DZIP1L: variants seen among roughly 807,000 people sequenced by gnomAD.
The protein encoded by DZIP1L is cilium assembly protein DZIP1L.
Under a neutral mutation model 88.7 loss-of-function variants are expected in DZIP1L, and 90 were observed. That is an observed-to-expected ratio of 1.02 (90% CI 0.86 to 1.21). The LOEUF (loss-of-function observed/expected upper bound fraction) is 1.21, where lower values mean the gene tolerates loss of function less well. DZIP1L is among the 50% of genes most tolerant of loss of function. The pLI, the probability that DZIP1L is intolerant of heterozygous loss-of-function variation, is 0.00. For missense variants in DZIP1L, 932 were observed against 955.8 expected (o/e 0.98, Z 0.33); for synonymous variants, 363 against 372.1 (o/e 0.98, Z 0.28).
chr3:138,068,037 C>T, intron 13 of DZIP1L, 114 bp downstream of exon 13: 1 of 971,636 alleles, frequency 1.0e-6, no homozygotes, highest in Non-Finnish European at 1.4e-6. Context: ...CTTCTATTCA[C>T]ATGTGTCTGC....
intron 7 of DZIP1L, among the ~76,000 whole-genome samples, chr3:138,086,128 G>A (rs1328127134): frequency 2.0e-5 from 3 of 151,414 alleles, no homozygotes; most frequent in Non-Finnish European, 4.4e-5. Flanking sequence ...GAGTGGGGAG[G>A]GATAGCATTA....
chr3:138,087,043 T>C lies in DZIP1L; in HGVS notation c.1000-20A>G. 1.9e-6 allele frequency: 3 copies of C among 1,613,024 alleles called. No individual in the cohort carries two copies. The highest frequency in any genetic ancestry group is 1.7e-5 in the Admixed American group (1 of 59,936). On this transcript the variant is annotated intron_variant, in intron 6 of 15. Coordinates refer to ENST00000327532, the MANE Select transcript of DZIP1L (RefSeq NM_173543.3). ...CGTTTTCTGAAAAAGATTAAAAGCTTATCAAATGGGCCCTTGCAGGTATTA... is the reference window on the plus strand; with the variant it reads ...CGTTTTCTGAAAAAGATTAAAAGCTCATCAAATGGGCCCTTGCAGGTATTA...
In DZIP1L at chr3:138,084,170, G is replaced by A. The variant is rs1389415071; in HGVS notation, c.1146C>T (p.Ser382=). 6.2e-7 allele frequency: 1 copy of A among 1,614,226 alleles called. No homozygotes were observed. The highest frequency in any genetic ancestry group is 8.5e-7 in the Non-Finnish European group (1 of 1,180,038). Residue 382 remains serine (S), a synonymous_variant, in exon 8 of 16, where the codon AGC becomes AGT. Coordinates refer to ENST00000327532, the MANE Select transcript of DZIP1L (RefSeq NM_173543.3). Reference sequence around the variant, plus strand: ...GTTCCTGCAGCTGGGCACGGAGGGTGCTGATCTGGCACTGGGACTGGGCAG... The same window carrying A: ...GTTCCTGCAGCTGGGCACGGAGGGTACTGATCTGGCACTGGGACTGGGCAG... ...KAAAQSQCQI[S]TLRAQLQEQA... is the part of the protein sequence containing the mutation.
chr3:138,096,199 T>G (rs1425024069), intron 3 of DZIP1L, among the ~76,000 whole-genome samples: 1 of 152,202 alleles, frequency 6.6e-6, no homozygotes, highest in East Asian at 1.9e-4. Context: ...GTCAGCTGCC[T>G]GTGAATAAAG....
At chr3:138,083,496 C>A (rs1235313120) in intron 8 of DZIP1L, among the ~76,000 whole-genome samples, 3 of 152,160 alleles carry the variant, frequency 2.0e-5, no homozygotes, top group Admixed American at 6.5e-5. Flanking sequence ...AGAGAATTGT[C>A]AGCAACAGGT....
Position 138,064,355 on chromosome 3 carries a change from C to A in DZIP1L, c.2142+273G>T, listed in dbSNP as rs1423915523. The A allele has an allele frequency of 7.8e-6, 10 of 1,283,232 alleles. No homozygotes were observed. In the East Asian group the frequency reaches 4.0e-4, roughly 52 times the overall value. The allele number at this position is 1,283,232 out of a possible 1,614,324, so 79.5% of individuals were successfully genotyped here. ...GCCAGACACAGAGTCAGCTCCGAAG[C>A]TCTCCGAGAGGCAGGAGATGGGACA... On this transcript the variant is annotated intron_variant, in intron 15 of 15. Coordinates refer to ENST00000327532, the MANE Select transcript of DZIP1L (RefSeq NM_173543.3).
At chr3:138,103,314 C>G (rs959735145) in intron 2 of DZIP1L, among the ~76,000 whole-genome samples, 157 bp downstream of exon 2, 4 of 152,130 alleles carry the variant, frequency 2.6e-5, no homozygotes, top group African/African-American at 9.7e-5. Flanking sequence ...CCCAGGCTCT[C>G]TGGCCATGAG....
At chr3:138,097,641 C>T (rs1944541293) in intron 3 of DZIP1L, 122 bp downstream of exon 3, 3 of 881,080 alleles carry the variant, frequency 3.4e-6, no homozygotes, top group Admixed American at 2.4e-5. Flanking sequence ...CATCCCATCC[C>T]CAATTGGACA....
chr3:138,088,261 G>A, intron 6 of DZIP1L, 118 bp downstream of exon 6: 1 of 1,377,048 alleles, frequency 7.3e-7, no homozygotes, highest in Non-Finnish European at 9.5e-7. Context: ...CAGAAGGTCT[G>A]AAAATATAGA....
chr3:138,095,379 T>C (rs1944421077), intron 3 of DZIP1L, among the ~76,000 whole-genome samples: 1 of 152,180 alleles, frequency 6.6e-6, no homozygotes, highest in African/African-American at 2.4e-5. Context: ...ACACCAATTA[T>C]CAATACAAAG....
At chr3:138,082,389 C>T (rs903812812) in intron 8 of DZIP1L, among the ~76,000 whole-genome samples, 1 of 152,188 alleles carries the variant, frequency 6.6e-6, no homozygotes, top group African/African-American at 2.4e-5. Flanking sequence ...CTGCTGGCAG[C>T]CAATTGTTTG....
intron 10 of DZIP1L, chr3:138,080,363 C>G: frequency 6.0e-6 from 3 of 500,924 alleles, no homozygotes; most frequent in Non-Finnish European, 1.1e-5. Flanking sequence ...TTCCCCATCA[C>G]TAAACCAGCA....
At position 138,080,563 on chromosome 3, in the gene DZIP1L, C is replaced by T. The variant is rs1943601337; in HGVS notation, c.1288+4G>A. Reference sequence around the variant, plus strand: ...GACACCCAGGAAAGAAAGTAAGGTCCCACCTTCCTCTGGAGAGTCCTCCTC... The same window carrying T: ...GACACCCAGGAAAGAAAGTAAGGTCTCACCTTCCTCTGGAGAGTCCTCCTC... On this transcript the variant is annotated splice_donor_region_variant and intron_variant, in intron 10 of 15. Coordinates refer to ENST00000327532, the MANE Select transcript of DZIP1L (RefSeq NM_173543.3). 2 of 1,613,670 alleles carry T rather than the reference C, an allele frequency of 1.2e-6. No individual in the cohort carries two copies. The highest frequency in any genetic ancestry group is 3.3e-5 in the Admixed American group (2 of 60,016).
At chr3:138,095,013 A>C (rs1302640261) in intron 3 of DZIP1L, 30 bp from the exon 4 acceptor site, 1 of 1,613,754 alleles carries the variant, frequency 6.2e-7, no homozygotes, top group South Asian at 1.1e-5. Context: ...ACAGGTGACC[A>C]GTTTAAGTCC....
chr3:138,075,888 G>C (rs1381059905), intron 11 of DZIP1L, among the ~76,000 whole-genome samples: 1 of 152,144 alleles, frequency 6.6e-6, no homozygotes, highest in African/African-American at 2.4e-5. Context: ...GAACCAGGGA[G>C]TCGGAGGTTG....
chr3:138,071,070 C>T (rs548614340), intron 12 of DZIP1L, among the ~76,000 whole-genome samples: 1 of 152,308 alleles, frequency 6.6e-6, no homozygotes, highest in African/African-American at 2.4e-5. Flanking sequence ...ATGACCTGGC[C>T]CAAGGAACCA....
chr3:138,086,142 G>A (rs1943923620), intron 7 of DZIP1L, among the ~76,000 whole-genome samples: 1 of 151,622 alleles, frequency 6.6e-6, no homozygotes, highest in Admixed American at 6.6e-5. Flanking sequence ...AGCATTAGGA[G>A]ATATACCTAA....
At position 138,062,888 on chromosome 3, in the gene DZIP1L, A is replaced by C; in HGVS notation, c.2232T>G (p.Ser744=). ...LDQREKPKPL[S]RSKLPEKFGT... is the part of the protein sequence containing the mutation. ...CAAACTTCTCTGGGAGCTTTGAGCG[A>C]GACAAGGGCTTGGGTTTCTCTCTCT... is the stretch of plus-strand genomic sequence containing the variant. Residue 744 remains serine, a synonymous_variant, in exon 16 of 16, where the codon TCT becomes TCG. Coordinates refer to ENST00000327532, the MANE Select transcript of DZIP1L (RefSeq NM_173543.3). 1 of 1,614,212 alleles carries C rather than the reference A, an allele frequency of 6.2e-7. No individual in the cohort carries two copies. Among genetic ancestry groups the C allele is most frequent in the Non-Finnish European group, 8.5e-7 (1 of 1,180,046 alleles).
At chr3:138,075,502 A>G (rs1943364619) in intron 11 of DZIP1L, among the ~76,000 whole-genome samples, 1 of 152,212 alleles carries the variant, frequency 6.6e-6, no homozygotes, top group Non-Finnish European at 1.5e-5. Flanking sequence ...TCCAAAAGAA[A>G]CCCTCAAAAC....
Sources: allele counts gnomAD v4.1 joint callset (sites outside exome capture counted in the v4.1 genomes callset), GRCh38; gene constraint gnomAD v4.1.1; transcripts MANE v1.5; gene names NCBI Gene and HGNC (gene_info 2026-07-23, HGNC 2026-07-21).